TRPC7: variants seen among roughly 807,000 people sequenced by gnomAD.
TRPC7 encodes the protein transient receptor potential cation channel subfamily C member 7, also known as short transient receptor potential channel 7.
Under a neutral mutation model 90.1 loss-of-function variants are expected in TRPC7, and 42 were observed. The observed-to-expected ratio is 0.47, with a 90% CI of 0.36 to 0.60. The LOEUF (loss-of-function observed/expected upper bound fraction) is 0.60. Ranked by LOEUF, TRPC7 falls within the 20% of genes least tolerant of loss-of-function variation. TRPC7 has a pLI of 0.00. For synonymous variants in TRPC7, 451 were observed against 436.3 expected, an observed-to-expected ratio of 1.03 and a Z score of -0.42; for missense variants, 955 against 1,112.3, an observed-to-expected ratio of 0.86 and a Z score of 2.01.
At position 136,225,727 on chromosome 5, in the gene TRPC7, G is replaced by C. The variant is rs143872922; in HGVS notation, c.2262+307C>G. On this transcript the variant is annotated intron_variant, in intron 9 of 11. Transcript: ENST00000513104. ...TTCCAGATACTTTCTGAGAAAAGCT[G>C]TTCCATTTCCAAGTCCACTAAGGGG... is the stretch of plus-strand genomic sequence containing the variant. Among the ~76,000 whole-genome samples the C allele has an allele frequency of 4.8e-3, 727 of 152,272 alleles. 5 individuals carry two copies. The highest frequency in any genetic ancestry group is 7.3e-3 in the Non-Finnish European group (494 of 68,016).
intron 6 of TRPC7, among the ~76,000 whole-genome samples, chr5:136,248,145 C>T (rs559505922): frequency 2.4e-4 from 37 of 152,198 alleles, no homozygotes; most frequent in Non-Finnish European, 5.4e-4. Context: ...TGTTTAGCTC[C>T]ATGCTCAGGA....
intron 2 of TRPC7, among the ~76,000 whole-genome samples, chr5:136,339,159 A>T (rs542497353): frequency 6.6e-6 from 1 of 152,232 alleles, no homozygotes; most frequent in Non-Finnish European, 1.5e-5. Flanking sequence ...ATTATGTTCC[A>T]TCTTGCTACT....
At chr5:136,362,293 G>A (rs1464792651) in intron 1 of TRPC7, among the ~76,000 whole-genome samples, 1 of 151,992 alleles carries the variant, frequency 6.6e-6, no homozygotes, top group Non-Finnish European at 1.5e-5. Context: ...ACCATGCTGA[G>A]TAATTTATGT....
intron 4 of TRPC7, among the ~76,000 whole-genome samples, chr5:136,268,408 C>T (rs950898696): frequency 6.6e-6 from 1 of 152,160 alleles, no homozygotes; most frequent in East Asian, 1.9e-4. Context: ...TTAGAAAAAG[C>T]TGGGGAACTC....
chr5:136,354,963 C>T (rs763146139), intron 2 of TRPC7, among the ~76,000 whole-genome samples: 20 of 152,198 alleles, frequency 1.3e-4, no homozygotes, highest in Admixed American at 2.6e-4. Flanking sequence ...CCCTGAAAAA[C>T]GTGTCCCAGG....
At chr5:136,354,888 C>G (rs770236082) in intron 2 of TRPC7, among the ~76,000 whole-genome samples, 2 of 152,216 alleles carry the variant, frequency 1.3e-5, no homozygotes, top group Non-Finnish European at 2.9e-5. Context: ...CCTACTCTCT[C>G]TTCGTAATGA....
chr5:136,221,808 C>T lies in TRPC7; in HGVS notation c.2343+3466G>A, dbSNP rs544565937. On this transcript the variant is annotated intron_variant, in intron 10 of 11. Coordinates refer to ENST00000513104, the MANE Select transcript of TRPC7 (RefSeq NM_020389.3). ...AGAAGATGGAAAAGAGAACTCCCCACGGGGTTTTGGGGAGCAGATTGCAGC... is the reference window on the plus strand; with the variant it reads ...AGAAGATGGAAAAGAGAACTCCCCATGGGGTTTTGGGGAGCAGATTGCAGC... Among the ~76,000 whole-genome samples the T allele has an allele frequency of 2.8e-4, 43 of 152,296 alleles. 1 individual carries two copies. Among genetic ancestry groups the T allele is most frequent in the African/African-American group, 8.7e-4 (36 of 41,554 alleles).
intron 5 of TRPC7, among the ~76,000 whole-genome samples, chr5:136,263,016 A>G (rs1029929004): frequency 5.3e-5 from 8 of 152,234 alleles, no homozygotes; most frequent in African/African-American, 1.9e-4. Context: ...TAAACAAACA[A>G]AAGACACCAG....
In TRPC7 at chr5:136,357,305, C is replaced by T. The variant is rs187828898; in HGVS notation, c.83G>A (p.Gly28Asp). ...REKGRRQAIRGPAYMFNEKGT... is the reference protein window; with the variant it reads ...REKGRRQAIRDPAYMFNEKGT... ...CTTCTCGTTGAACATGTAGGCGGGACCCCGGATGGCCTGGCGACGGCCCTT... is the reference window on the plus strand; with the variant it reads ...CTTCTCGTTGAACATGTAGGCGGGATCCCGGATGGCCTGGCGACGGCCCTT... The change falls in exon 2 of 12, where the codon GGT becomes GAT. Residue 28 changes from glycine (G) to aspartate (D), a missense_variant. Around this residue, in one of 4 missense-constraint regions of TRPC7, gnomAD observed 161 missense variants for 145.7 expected, o/e 1.10. Transcript: ENST00000513104. The T allele has an allele frequency of 5.6e-6, 9 of 1,610,644 alleles. No homozygotes were observed. The African/African-American group carries it at 8.0e-5, about 14-fold the overall frequency.
At chr5:136,357,636 C>G (rs1195146751) in intron 1 of TRPC7, among the ~76,000 whole-genome samples, 2 of 151,962 alleles carry the variant, frequency 1.3e-5, no homozygotes, top group African/African-American at 4.8e-5. Flanking sequence ...GGTGGCAGAG[C>G]TGAAAAATGG....
At chr5:136,365,139 C>T in intron 1 of TRPC7, 114 bp downstream of exon 1, 4 of 1,173,258 alleles carry the variant, frequency 3.4e-6, no homozygotes, top group Non-Finnish European at 4.9e-6. Context: ...AAAATCTAAG[C>T]AGTGCACTAG....
rs17169970 is a variant in TRPC7, at chr5:136,219,242, G to C, written c.2344-2967C>G. Reference sequence around the variant, plus strand: ...CCCACTCTTGAGCACTGGCATGCTCGATCTGAGCCAGGGTTTCTGTAGACC... The same window carrying C: ...CCCACTCTTGAGCACTGGCATGCTCCATCTGAGCCAGGGTTTCTGTAGACC... On this transcript the variant is annotated intron_variant, in intron 10 of 11. Coordinates refer to ENST00000513104, the MANE Select transcript of TRPC7 (RefSeq NM_020389.3). 9.2e-3 allele frequency among the ~76,000 whole-genome samples: 1,395 copies of C among 152,338 alleles called. 13 individuals carry two copies. The highest frequency in any genetic ancestry group is 0.032 in the African/African-American group (1,327 of 41,576).
intron 8 of TRPC7, 144 bp from the exon 9 acceptor site, chr5:136,226,399 A>G (rs770231934): frequency 9.5e-6 from 6 of 634,410 alleles, no homozygotes; most frequent in Non-Finnish European, 1.7e-5. Flanking sequence ...CAGATGGCAC[A>G]GAGAAGGGGA....
intron 2 of TRPC7, among the ~76,000 whole-genome samples, chr5:136,321,962 C>G (rs1290267523): frequency 6.6e-6 from 1 of 151,956 alleles, no homozygotes; most frequent in South Asian, 2.1e-4. Context: ...TTTGTTGTAT[C>G]CAGTATTTGA....
At chr5:136,270,611 G>A (rs1757179544) in intron 4 of TRPC7, among the ~76,000 whole-genome samples, 1 of 152,198 alleles carries the variant, frequency 6.6e-6, no homozygotes, top group South Asian at 2.1e-4. Flanking sequence ...AGGTGAAAGA[G>A]ATAAAACAAG....
intron 5 of TRPC7, among the ~76,000 whole-genome samples, chr5:136,265,141 C>T (rs1756982432): frequency 6.6e-6 from 1 of 152,100 alleles, no homozygotes; most frequent in Non-Finnish European, 1.5e-5. Context: ...ATTTGTTCTA[C>T]TGTGATTTTG....
intron 2 of TRPC7, among the ~76,000 whole-genome samples, chr5:136,316,295 A>G (rs545326318): frequency 1.3e-5 from 2 of 152,304 alleles, no homozygotes; most frequent in African/African-American, 4.8e-5. Context: ...ACTGATCTAT[A>G]TTGGTGACTG....
chr5:136,232,052 A>G (rs1457811987), intron 7 of TRPC7, among the ~76,000 whole-genome samples: 3 of 152,232 alleles, frequency 2.0e-5, no homozygotes, highest in Non-Finnish European at 4.4e-5. Flanking sequence ...CTTTGAAAGA[A>G]TATTAAAAAT....
chr5:136,248,496 A>G lies in TRPC7; in HGVS notation c.1580-761T>C, dbSNP rs1224787514. Reference sequence around the variant, plus strand: ...CACAGGTCAGAACAAATAAGCTCACATGGGGACCAGGAATCTAAAGGATCT... The same window carrying G: ...CACAGGTCAGAACAAATAAGCTCACGTGGGGACCAGGAATCTAAAGGATCT... On this transcript the variant is annotated intron_variant, in intron 6 of 11. Transcript: ENST00000513104. 2.0e-5 allele frequency among the ~76,000 whole-genome samples: 3 copies of G among 152,342 alleles called. No homozygotes were observed. In the East Asian group the frequency reaches 5.8e-4, roughly 29 times the overall value.
Sources: gnomAD v4.1 joint callset for allele counts (sites outside exome capture counted in the v4.1 genomes callset) on GRCh38, gnomAD v4.1.1 for gene constraint, gnomAD v4.1.1 regional missense constraint, MANE v1.5 for transcripts, NCBI Gene and HGNC (gene_info 2026-07-23, HGNC 2026-07-21) for gene names.